BRCC3: variants seen among roughly 807,000 people sequenced by gnomAD.
The protein encoded by BRCC3 is BRCA1/BRCA2-containing complex subunit 3.
Under a neutral mutation model 28.0 loss-of-function variants are expected in BRCC3, and 15 were observed. That is an observed-to-expected ratio of 0.54 (90% confidence interval 0.36 to 0.82). BRCC3 has a LOEUF of 0.82. BRCC3 is among the 40% of genes least tolerant of loss of function. The pLI is 0.01. For synonymous variants in BRCC3, 66 were observed against 80.3 expected, an observed-to-expected ratio of 0.82 and a Z score of 0.95; for missense variants, 109 against 225.9, an observed-to-expected ratio of 0.48 and a Z score of 3.32.
intron 1 of BRCC3, among the ~76,000 whole-genome samples, chrX:155,071,995 C>G (rs1195205260): frequency 1.2e-4 from 13 of 111,922 alleles, no homozygotes; most frequent in African/African-American, 3.9e-4. Context: ...CCGGGTATTA[C>G]GACGCAGCAG....
intron 3 of BRCC3, among the ~76,000 whole-genome samples, chrX:155,075,319 C>G (rs1325391616): frequency 1.9e-5 from 1 of 52,389 alleles, no homozygotes; most frequent in African/African-American, 5.1e-4. Context: ...CTTCCCCACA[C>G]TAAATGTGGC....
At chrX:155,074,252 G>T (rs1479807861) in intron 3 of BRCC3, among the ~76,000 whole-genome samples, 2 of 112,020 alleles carry the variant, frequency 1.8e-5, no homozygotes, top group Non-Finnish European at 3.8e-5. Context: ...TTTCAGAAAG[G>T]AAAGCTACTT....
Position 155,121,809 on chromosome X carries a change from T to G in BRCC3, c.*605T>G, listed in dbSNP as rs2074389633. 8.9e-6 allele frequency: 1 copy of G among 111,796 alleles called. No individual in the cohort carries two copies. The highest frequency in any genetic ancestry group is 1.9e-5 in the Non-Finnish European group (1 of 53,169). 9.2% of individuals were successfully genotyped at this position (111,796 alleles called of 1,213,427 possible). The stretch of plus-strand genomic sequence containing the variant: ...ATTTGCAAACCATATATCTGATCAA[T>G]TTGGAATATATAAAGTGTACTAAAA... On this transcript the variant is annotated 3_prime_UTR_variant, in exon 11 of 11. Coordinates refer to ENST00000330045, the MANE Select transcript of BRCC3 (RefSeq NM_001018055.3).
At position 155,077,205 on chromosome X, in the gene BRCC3, C is replaced by T. The variant is rs1287111042; in HGVS notation, c.231C>T (p.Val77=). Residue 77 remains valine, a synonymous_variant, in exon 4 of 11, where the codon GTC becomes GTT. Coordinates refer to ENST00000330045, the MANE Select transcript of BRCC3 (RefSeq NM_001018055.3). ...TCAGAATTGTTCACATTCATTCTGT[C>T]ATCATCTTACGACGTTCTGATAAGA... ...DAVRIVHIHS[V]IILRRSDKRK... 9 of 1,189,575 alleles carry T rather than the reference C, an allele frequency of 7.6e-6. No individual in the cohort carries two copies. Among genetic ancestry groups the T allele is most frequent in the African/African-American group, 7.1e-5 (4 of 56,580 alleles).
intron 10 of BRCC3, 117 bp downstream of exon 10, chrX:155,120,285 C>A: frequency 1.8e-6 from 1 of 553,322 alleles, no homozygotes. Context: ...AGGATGTCTT[C>A]CTGACAGTTT....
intron 5 of BRCC3, among the ~76,000 whole-genome samples, chrX:155,087,254 G>C (rs1557295045): frequency 8.9e-6 from 1 of 111,751 alleles, no homozygotes; most frequent in Non-Finnish European, 1.9e-5. Flanking sequence ...AGCTTCGCCG[G>C]CGAGAAGAAT....
At chrX:155,098,981 T>A (rs1451529773) in intron 7 of BRCC3, among the ~76,000 whole-genome samples, 1 of 111,265 alleles carries the variant, frequency 9.0e-6, no homozygotes, top group Non-Finnish European at 1.9e-5. Flanking sequence ...TTGTTTGTTT[T>A]AGTGCAGAAT....
chrX:155,071,910 T>C (rs1602753958), intron 1 of BRCC3, among the ~76,000 whole-genome samples: 1 of 112,132 alleles, frequency 8.9e-6, no homozygotes, highest in Non-Finnish European at 1.9e-5. Context: ...GGCTTCTCTT[T>C]AGATCTGCGC....
chrX:155,103,366 G>A (rs1239560623), intron 7 of BRCC3, among the ~76,000 whole-genome samples: 4 of 111,209 alleles, frequency 3.6e-5, no homozygotes, highest in African/African-American at 6.5e-5. Context: ...TAGCTCTGCC[G>A]GTGCTATATT....
chrX:155,072,510 C>T (rs2073993755), intron 2 of BRCC3, among the ~76,000 whole-genome samples, 167 bp downstream of exon 2: 1 of 111,445 alleles, frequency 9.0e-6, no homozygotes. Flanking sequence ...TTCTGCCTTA[C>T]CTCCTATTCA....
At chrX:155,109,327 C>T (rs782282513) in intron 7 of BRCC3, among the ~76,000 whole-genome samples, 40 of 111,330 alleles carry the variant, frequency 3.6e-4, no homozygotes, top group Non-Finnish European at 5.9e-4. Context: ...ATTTTAAAAT[C>T]GGTTTGTTGA....
intron 6 of BRCC3, among the ~76,000 whole-genome samples, chrX:155,090,283 T>A (rs1252256717): frequency 1.8e-5 from 2 of 112,409 alleles, no homozygotes; most frequent in Non-Finnish European, 3.8e-5. Flanking sequence ...AAATTACTAC[T>A]TAACATTGTA....
Position 155,090,669 on chromosome X carries a change from T to C in BRCC3, c.493-115T>C, listed in dbSNP as rs1335759073. On this transcript the variant is annotated intron_variant, in intron 6 of 10. Transcript: ENST00000330045. ...TTTTTATAGAAATTAATTTATGGCA[T>C]ATTCCATCTTTGGTATCTCTTTTAA... 9 of 537,570 alleles carry C rather than the reference T, an allele frequency of 1.7e-5. No homozygotes were observed. In the African/African-American group the frequency reaches 1.9e-4, roughly 11 times the overall value. 44.3% of individuals were successfully genotyped at this position (537,570 alleles called of 1,213,427 possible).
intron 5 of BRCC3, among the ~76,000 whole-genome samples, chrX:155,083,963 A>T (rs2074102008): frequency 8.9e-6 from 1 of 112,146 alleles, no homozygotes; most frequent in Admixed American, 9.4e-5. Context: ...CAGTATCTGA[A>T]TTGAGTTTAT....
intron 5 of BRCC3, among the ~76,000 whole-genome samples, chrX:155,081,709 C>G (rs1328786237): frequency 9.0e-6 from 1 of 111,719 alleles, no homozygotes; most frequent in Non-Finnish European, 1.9e-5. Flanking sequence ...AGTGACGTGA[C>G]CATTTCAGTG....
At chrX:155,091,559 A>G (rs782447795) in intron 7 of BRCC3, among the ~76,000 whole-genome samples, 1 of 111,907 alleles carries the variant, frequency 8.9e-6, no homozygotes, top group South Asian at 3.7e-4. Flanking sequence ...GGTGTCAGCC[A>G]CTGCACCCGG....
intron 1 of BRCC3, 59 bp downstream of exon 1, chrX:155,071,709 G>C: frequency 8.6e-7 from 1 of 1,156,998 alleles, no homozygotes; most frequent in South Asian, 1.9e-5. Flanking sequence ...GTGTCCCCGG[G>C]GTGGGTGCCG....
At chrX:155,103,817 T>C (rs2074261186) in intron 7 of BRCC3, among the ~76,000 whole-genome samples, 1 of 111,361 alleles carries the variant, frequency 9.0e-6, no homozygotes, top group Admixed American at 9.5e-5. Context: ...AGTTCACTGA[T>C]GCTCTGTTCA....
At chrX:155,087,438 ACT>A (rs781795465) in intron 5 of BRCC3, among the ~76,000 whole-genome samples, 1 of 111,463 alleles carries the variant, frequency 9.0e-6, no homozygotes, top group East Asian at 2.8e-4. Context: ...CGTGAGACAT[ACT>A]CTCAGGAGCA....
Sources: gnomAD v4.1 joint callset for allele counts (sites outside exome capture counted in the v4.1 genomes callset) on GRCh38, gnomAD v4.1.1 for gene constraint, MANE v1.5 for transcripts, NCBI Gene and HGNC (gene_info 2026-07-23, HGNC 2026-07-21) for gene names.